ARHGAP32: variants seen among roughly 807,000 people sequenced by gnomAD.
ARHGAP32 encodes the protein Rho GTPase activating protein 32, also known as rho GTPase-activating protein 32.
Under a neutral mutation model 186.5 loss-of-function variants are expected in ARHGAP32, and 51 were observed. The observed-to-expected ratio is 0.27, with a 90% CI of 0.22 to 0.35. The LOEUF is 0.35. Ranked by LOEUF, ARHGAP32 falls within the 10% of genes least tolerant of loss-of-function variation. The probability of loss-of-function intolerance (pLI) is 1.00; values close to 1 mark genes in which losing one functional copy is unlikely to be tolerated. For synonymous variants in ARHGAP32, 950 were observed against 964.3 expected, an observed-to-expected ratio of 0.99 and a Z score of 0.27; for missense variants, 2,186 against 2,623.5, an observed-to-expected ratio of 0.83 and a Z score of 3.64.
intron 11 of ARHGAP32, among the ~76,000 whole-genome samples, chr11:129,031,161 A>G (rs1199763072): frequency 6.6e-6 from 1 of 152,252 alleles, no homozygotes. Flanking sequence ...CTTGGCATGT[A>G]GATTTATATC....
chr11:129,196,510 A>C (rs1944393611), upstream of ARHGAP32, among the ~76,000 whole-genome samples: 1 of 152,218 alleles, frequency 6.6e-6, no homozygotes, highest in Non-Finnish European at 1.5e-5. Flanking sequence ...ATTTTATATA[A>C]GTGACTTGAG....
chr11:129,201,026 T>C (rs1944449962), intron 1 of ARHGAP32, among the ~76,000 whole-genome samples: 1 of 152,168 alleles, frequency 6.6e-6, no homozygotes. Flanking sequence ...TTTCCATGAA[T>C]GTGAAGTATG....
intron 2 of ARHGAP32, among the ~76,000 whole-genome samples, chr11:129,141,836 G>C (rs993396741): frequency 6.6e-6 from 1 of 151,170 alleles, no homozygotes; most frequent in Non-Finnish European, 1.5e-5. Flanking sequence ...TTTTACAAGG[G>C]AAAGGGCAAA....
chr11:129,224,768 C>A (rs972499529), intron 1 of ARHGAP32, among the ~76,000 whole-genome samples: 123 of 104,262 alleles, frequency 1.2e-3, no homozygotes, highest in African/African-American at 1.4e-3. Flanking sequence ...TTGGCTAGAG[C>A]AAAAAAAAAA....
At position 129,057,237 on chromosome 11, in the gene ARHGAP32, T is replaced by C. The variant is rs115374596; in HGVS notation, c.963+5043A>G. ...TCCTCTAGGAAGCCCTCCTGCACCT[T>C]CCAGGGAATCCTGGTGAGCCCTACT... On this transcript the variant is annotated intron_variant, in intron 10 of 22. Coordinates refer to ENST00000682385, the MANE Select transcript of ARHGAP32 (RefSeq NM_001378024.1). 8.5e-3 allele frequency among the ~76,000 whole-genome samples: 1,298 copies of C among 152,104 alleles called. 18 individuals are homozygous for C. The highest frequency in any genetic ancestry group is 0.024 in the African/African-American group (1,009 of 41,464).
chr11:129,036,379 T>G (rs1196446198), intron 11 of ARHGAP32, among the ~76,000 whole-genome samples: 1 of 11,840 alleles, frequency 8.4e-5, no homozygotes, highest in African/African-American at 4.9e-4. Context: ...AAACTCCGTC[T>G]CAAAAAAAAA....
intron 6 of ARHGAP32, among the ~76,000 whole-genome samples, chr11:129,069,324 T>C (rs1377886110): frequency 6.6e-6 from 1 of 152,028 alleles, no homozygotes; most frequent in African/African-American, 2.4e-5. Flanking sequence ...AATAAATCAA[T>C]GTAAAGTGCT....
chr11:129,193,530 T>A (rs1385172432), upstream of ARHGAP32, among the ~76,000 whole-genome samples: 3 of 63,994 alleles, frequency 4.7e-5, no homozygotes, highest in African/African-American at 6.3e-5. Context: ...CTAGAGCATA[T>A]AATATATATA....
chr11:129,192,025 G>T (rs1292867508), intron 1 of ARHGAP32, 58 bp downstream of exon 1: 1 of 1,221,590 alleles, frequency 8.2e-7, no homozygotes, highest in Admixed American at 1.8e-5. Flanking sequence ...GAAGAAAAAG[G>T]GGTGCGGGTG....
At chr11:129,232,616 A>AT (rs1944873435) in intron 1 of ARHGAP32, among the ~76,000 whole-genome samples, 1 of 152,148 alleles carries the variant, frequency 6.6e-6, no homozygotes, top group Non-Finnish European at 1.5e-5. Context: ...TTACAAGGCC[A>AT]TAAAAAAAAA....
chr11:128,974,383 A>T lies in ARHGAP32; in HGVS notation c.2814T>A (p.Gly938=), dbSNP rs1481025216. Residue 938 remains glycine (G), a synonymous_variant, in exon 21 of 23, where the codon GGT becomes GGA. Coordinates refer to ENST00000682385, the MANE Select transcript of ARHGAP32 (RefSeq NM_001378024.1). ...TCTGAGCTGTGGTATTTGAGACTGT[A>T]CCAATGACTTCTGACACCCGTGGTG... ...TLPPRVSEVI[G]TVSNTTAQNA... The T allele has an allele frequency of 6.2e-7, 1 of 1,614,196 alleles. No homozygotes were observed.
chr11:129,237,646 G>A (rs1209617989), intron 1 of ARHGAP32, among the ~76,000 whole-genome samples: 2 of 152,102 alleles, frequency 1.3e-5, no homozygotes, highest in African/African-American at 4.8e-5. Context: ...AGGCCTCGGG[G>A]TAAGAGCACA....
rs1013734617 is a variant in ARHGAP32, at chr11:129,124,761, T to G, written c.317+42A>C. On this transcript the variant is annotated intron_variant, in intron 3 of 22. Coordinates refer to ENST00000682385, the MANE Select transcript of ARHGAP32 (RefSeq NM_001378024.1). ...AGAGAATTGAAGAACTGATTTCCAT[T>G]CGTAGGAATTCATTTAGAATCCACT... The G allele has an allele frequency of 2.8e-6, 4 of 1,413,314 alleles. No homozygotes were observed. The African/African-American group carries it at 5.8e-5, about 20-fold the overall frequency. The allele number at this position is 1,413,314 out of a possible 1,614,324, so 87.5% of individuals were successfully genotyped here.
intron 2 of ARHGAP32, among the ~76,000 whole-genome samples, chr11:129,142,953 A>G (rs1381103382): frequency 2.0e-5 from 3 of 151,346 alleles, no homozygotes; most frequent in African/African-American, 7.3e-5. Context: ...TGTTATAAAT[A>G]TTTCTTGAAA....
At chr11:128,979,553 C>T (rs473616) in intron 18 of ARHGAP32, among the ~76,000 whole-genome samples, 16,965 of 152,186 alleles carry the variant, frequency 0.11, 1,218 homozygotes, top group Non-Finnish European at 0.15. Flanking sequence ...CTCTTAACTA[C>T]TACTCCATAA....
At chr11:129,182,432 G>A (rs548803128) in intron 1 of ARHGAP32, among the ~76,000 whole-genome samples, 2 of 151,938 alleles carry the variant, frequency 1.3e-5, no homozygotes, top group East Asian at 3.9e-4. Context: ...TTCCCAGGTC[G>A]TCATATGTCC....
At chr11:129,057,485 C>T (rs1357636858) in intron 10 of ARHGAP32, among the ~76,000 whole-genome samples, 1 of 151,936 alleles carries the variant, frequency 6.6e-6, no homozygotes, top group Non-Finnish European at 1.5e-5. Context: ...AAAATTGTGC[C>T]CCTCTCCCCC....
intron 1 of ARHGAP32, among the ~76,000 whole-genome samples, chr11:129,268,957 T>A (rs1945440826): frequency 6.6e-6 from 1 of 152,148 alleles, no homozygotes; most frequent in East Asian, 1.9e-4. Context: ...CTTGAGTAGC[T>A]CAGAGAGAGG....
chr11:129,039,258 A>G (rs1333100618), intron 11 of ARHGAP32, among the ~76,000 whole-genome samples: 1 of 152,226 alleles, frequency 6.6e-6, no homozygotes, highest in African/African-American at 2.4e-5. Context: ...AAGGGAAATT[A>G]AAACATATCC....
Sources: allele counts gnomAD v4.1 joint callset (sites outside exome capture counted in the v4.1 genomes callset), GRCh38; gene constraint gnomAD v4.1.1; transcripts MANE v1.5; gene names NCBI Gene and HGNC (gene_info 2026-07-23, HGNC 2026-07-21).